The following ALDH6A1 variants were observed in gnomAD, a reference collection of about 807,000 sequenced individuals.
The protein encoded by ALDH6A1 is aldehyde dehydrogenase 6 family member A1, also known as methylmalonate-semialdehyde/malonate-semialdehyde dehydrogenase [acylating], mitochondrial.
Under a neutral mutation model 62.6 loss-of-function variants are expected in ALDH6A1, and 43 were observed. The ratio of observed to expected loss-of-function variants is 0.69; its 90% CI spans 0.54 to 0.89. The LOEUF is 0.89. Among genes scored for constraint, ALDH6A1 ranks in the 40% least tolerant of loss-of-function variants. The probability of loss-of-function intolerance (pLI) is 0.00; values close to 1 mark genes in which losing one functional copy is unlikely to be tolerated. For synonymous variants in ALDH6A1, 194 were observed against 234.2 expected (o/e 0.83, Z 1.57); for missense variants, 551 against 661.3 (o/e 0.83, Z 1.83).
intron 5 of ALDH6A1, 27 bp from the exon 6 acceptor site, chr14:74,071,524 C>G (rs1418732723): frequency 6.2e-7 from 1 of 1,612,968 alleles, no homozygotes; most frequent in Non-Finnish European, 8.5e-7. Flanking sequence ...AGGCCATCAG[C>G]TCTCCACACT....
chr14:74,079,303 A>G (rs72627153), intron 1 of ALDH6A1, among the ~76,000 whole-genome samples: 19,658 of 149,120 alleles, frequency 0.13, 1,991 homozygotes, highest in East Asian at 0.57. Flanking sequence ...ATGGAGTACA[A>G]TGGCGCAATC....
intron 1 of ALDH6A1, among the ~76,000 whole-genome samples, chr14:74,079,474 C>T (rs567112179): frequency 6.6e-6 from 1 of 150,716 alleles, no homozygotes; most frequent in African/African-American, 2.4e-5. Flanking sequence ...CACTCTGTCG[C>T]CCAGGCTGGA....
chr14:74,070,488 C>T (rs2060534184), intron 6 of ALDH6A1, among the ~76,000 whole-genome samples: 1 of 152,140 alleles, frequency 6.6e-6, no homozygotes, highest in East Asian at 1.9e-4. Flanking sequence ...CACTGCTCTC[C>T]AGTCTGGGCG....
Position 74,066,817 on chromosome 14 carries a change from A to G in ALDH6A1, c.1112T>C (p.Ile371Thr), listed in dbSNP as rs1222040297. The change falls in exon 9 of 12, where the codon ATT becomes ACT. Residue 371 changes from isoleucine to threonine, a missense_variant. By Grantham distance (89) the Ile-to-Thr change is moderately conservative. Coordinates refer to ENST00000553458, the MANE Select transcript of ALDH6A1 (RefSeq NM_005589.4). The part of the protein sequence containing the change: ...PQAKERVCNL[I>T]DSGTKEGASI... ...AGCTCCCTCCTTTGTTCCACTATCA[A>G]TCAGATTACAGACTCGCTCTTTGGC... The G allele has an allele frequency of 5.6e-6, 9 of 1,614,040 alleles. No individual in the cohort carries two copies. The highest frequency in any genetic ancestry group is 2.2e-5 in the South Asian group (2 of 91,078).
At chr14:74,079,712 G>A (rs555249010) in intron 1 of ALDH6A1, among the ~76,000 whole-genome samples, 11 of 152,232 alleles carry the variant, frequency 7.2e-5, no homozygotes, top group Admixed American at 1.3e-4. Context: ...GATTACAGGC[G>A]TGAGCCACTG....
In ALDH6A1 at chr14:74,056,944, A is replaced by G. The variant is rs2060225105; in HGVS notation, c.*3698T>C. The G allele has an allele frequency of 1.2e-6, 2 of 1,613,918 alleles. No individual in the cohort carries two copies. The highest frequency in any genetic ancestry group is 8.5e-7 in the Non-Finnish European group (1 of 1,179,900). ...AGTTCTAGGCCTCCAGTTCCAGACT[A>G]TGTTGTTTCTGACAGTGGGGAAACA... is the stretch of plus-strand genomic sequence containing the variant. On this transcript the variant is annotated 3_prime_UTR_variant, in exon 12 of 12. Coordinates refer to ENST00000553458, the MANE Select transcript of ALDH6A1 (RefSeq NM_005589.4).
At chr14:74,067,615 C>T (rs776066606) in intron 7 of ALDH6A1, 46 bp from the exon 8 acceptor site, 1 of 1,596,812 alleles carries the variant, frequency 6.3e-7, no homozygotes, top group South Asian at 1.1e-5. Flanking sequence ...TGGCCAAATA[C>T]AACTAAGCTA....
At chr14:74,082,393 G>GTTTTTTTTTT (rs869211328) in intron 1 of ALDH6A1, among the ~76,000 whole-genome samples, 1 of 77,568 alleles carries the variant, frequency 1.3e-5, no homozygotes. Context: ...CAAAATCGAG[G>GTTTTTTTTTT]TTTTTTTTTT....
intron 2 of ALDH6A1, among the ~76,000 whole-genome samples, chr14:74,074,350 G>C (rs1006918169): frequency 8.1e-5 from 12 of 147,670 alleles, no homozygotes; most frequent in Non-Finnish European, 1.6e-4. Context: ...GCAATGGTGC[G>C]ATCTTGGCTC....
chr14:74,056,902 A>G lies in ALDH6A1; in HGVS notation c.*3740T>C. 6.2e-7 allele frequency: 1 copy of G among 1,607,488 alleles called. No homozygotes were observed. Among genetic ancestry groups the G allele is most frequent in the South Asian group, 1.1e-5 (1 of 90,876 alleles). ...TTATCTTTGTTGACTTTTACCCACT[A>G]CAGGAAATACAACCAGAGTTCTAGG... On this transcript the variant is annotated 3_prime_UTR_variant, in exon 12 of 12. Transcript: ENST00000553458.
Position 74,057,068 on chromosome 14 carries a change from G to T in ALDH6A1, c.*3574C>A. The stretch of plus-strand genomic sequence containing the variant: ...TGAATGTGCTAATTGAAAGTAATAT[G>T]ACAAGTCTGTTATTCTAAACCAGGT... On this transcript the variant is annotated 3_prime_UTR_variant, in exon 12 of 12. Coordinates refer to ENST00000553458, the MANE Select transcript of ALDH6A1 (RefSeq NM_005589.4). The T allele has an allele frequency of 1.9e-6, 3 of 1,594,198 alleles. No homozygotes were observed. The highest frequency in any genetic ancestry group is 1.7e-6 in the Non-Finnish European group (2 of 1,166,220).
rs2060239773 is a variant in ALDH6A1, at chr14:74,057,448, T to C, written c.*3194A>G. ...TCCGTACAAATGCATATTATACTAA[T>C]GCAAATGCAAATGTGTGCCTCTTTT... is the stretch of plus-strand genomic sequence containing the variant. On this transcript the variant is annotated 3_prime_UTR_variant, in exon 12 of 12. Transcript: ENST00000553458. 1.4e-6 allele frequency: 2 copies of C among 1,466,044 alleles called. No individual in the cohort carries two copies. The highest frequency in any genetic ancestry group is 1.8e-6 in the Non-Finnish European group (2 of 1,112,728). 90.8% of individuals were successfully genotyped at this position (1,466,044 alleles called of 1,614,324 possible).
At chr14:74,078,309 C>T (rs1204450992) in intron 1 of ALDH6A1, 9 of 454,766 alleles carry the variant, frequency 2.0e-5, no homozygotes, top group Non-Finnish European at 3.5e-5. Flanking sequence ...GAAAAGTGAC[C>T]GAGACAGTGG....
chr14:74,062,174 G>A (rs1279506192), intron 11 of ALDH6A1, among the ~76,000 whole-genome samples: 1 of 151,762 alleles, frequency 6.6e-6, no homozygotes, highest in Non-Finnish European at 1.5e-5. Flanking sequence ...TCCAGCCTGG[G>A]CAACAGAGCA....
intron 2 of ALDH6A1, among the ~76,000 whole-genome samples, chr14:74,074,259 G>A (rs1428814266): frequency 6.9e-6 from 1 of 143,948 alleles, no homozygotes; most frequent in African/African-American, 2.6e-5. Flanking sequence ...TTACAGGGGT[G>A]AGCCACTGCG....
In ALDH6A1 at chr14:74,060,575, C is replaced by G. The variant is rs1384978152; in HGVS notation, c.*67G>C. 13 of 1,158,792 alleles carry G rather than the reference C, an allele frequency of 1.1e-5. No individual in the cohort carries two copies. Among genetic ancestry groups the G allele is most frequent in the Non-Finnish European group, 1.7e-5 (13 of 764,756 alleles). The allele number at this position is 1,158,792 out of a possible 1,614,324, so 71.8% of individuals were successfully genotyped here. ...ATCGATCTGATCTGAGCAAAGCTGACAAATGAAGCTGGTCAAAAATAAAGG... is the reference window on the plus strand; with the variant it reads ...ATCGATCTGATCTGAGCAAAGCTGAGAAATGAAGCTGGTCAAAAATAAAGG... On this transcript the variant is annotated 3_prime_UTR_variant, in exon 12 of 12. Transcript: ENST00000553458.
At chr14:74,080,366 T>TCC (rs2060658343) in intron 1 of ALDH6A1, among the ~76,000 whole-genome samples, 1 of 108,946 alleles carries the variant, frequency 9.2e-6, no homozygotes, top group South Asian at 4.0e-4. Flanking sequence ...GTTAAACTCT[T>TCC]TCTTTTTTTT....
intron 8 of ALDH6A1, 45 bp from the exon 9 acceptor site, chr14:74,066,931 T>G (rs1263523389): frequency 1.3e-6 from 2 of 1,567,148 alleles, no homozygotes; most frequent in South Asian, 2.2e-5. Flanking sequence ...TTAACATAAA[T>G]TATGACTGCT....
chr14:74,060,646 C>A lies in ALDH6A1; in HGVS notation c.1604G>T (p.Arg535Leu). The A allele has an allele frequency of 2.5e-6, 4 of 1,606,508 alleles. No individual in the cohort carries two copies. The highest frequency in any genetic ancestry group is 2.6e-6 in the Non-Finnish European group (3 of 1,173,090). Residue 535 changes from arginine (R) to leucine (L), a missense_variant, in exon 12 of 12, where the codon CGT becomes CTT. Arg to Leu is a moderately radical substitution (Grantham distance 102). Coordinates refer to ENST00000553458, the MANE Select transcript of ALDH6A1 (RefSeq NM_005589.4). ...CAGTCTTAAACAAACTTGTTTCTAA[C>A]GGCCCATGGTAGGCATGACAACAGC... ...SPAVVMPTMG[R>L]
Sources: allele counts gnomAD v4.1 joint callset (sites outside exome capture counted in the v4.1 genomes callset), GRCh38; gene constraint gnomAD v4.1.1; transcripts MANE v1.5; gene names NCBI Gene and HGNC (gene_info 2026-07-23, HGNC 2026-07-21).